The following COLGALT2 variants were observed in gnomAD, a reference collection of about 807,000 sequenced individuals.
The protein encoded by COLGALT2 is procollagen galactosyltransferase 2.
Under a neutral mutation model 73.4 loss-of-function variants are expected in COLGALT2, and 49 were observed. The observed-to-expected ratio is 0.67, with a 90% CI of 0.53 to 0.85. The LOEUF (loss-of-function observed/expected upper bound fraction) is 0.85. COLGALT2 is among the 40% of genes least tolerant of loss of function. The pLI is 0.00. For missense variants in COLGALT2, 722 were observed against 790.2 expected, an observed-to-expected ratio of 0.91 and a Z score of 1.03; for synonymous variants, 295 against 307.6, an observed-to-expected ratio of 0.96 and a Z score of 0.43.
chr1:183,969,527 T>C (rs1670979704), intron 4 of COLGALT2, 54 bp from the exon 5 acceptor site: 2 of 1,481,368 alleles, frequency 1.4e-6, no homozygotes, highest in Admixed American at 2.0e-5. Context: ...TCTTCATCCT[T>C]CTCAGTCATT....
At chr1:184,019,973 C>A (rs907828451) in intron 1 of COLGALT2, among the ~76,000 whole-genome samples, 1 of 152,140 alleles carries the variant, frequency 6.6e-6, no homozygotes, top group African/African-American at 2.4e-5. Context: ...CTAACCTGTG[C>A]TGTAAGTAAG....
At position 183,954,277 on chromosome 1, in the gene COLGALT2, T is replaced by TA. The variant is rs550973527; in HGVS notation, c.1029+484_1029+485insT. On this transcript the variant is annotated intron_variant, in intron 7 of 11. Transcript: ENST00000361927. ...GGCAGAATTTTAGAACAAATATGTTTTTTTTTCTTTCTTTGTCCTCTCAAC... is the reference window on the plus strand; with the variant it reads ...GGCAGAATTTTAGAACAAATATGTTTATTTTTTCTTTCTTTGTCCTCTCAAC... Among the ~76,000 whole-genome samples the TA allele has an allele frequency of 2.2e-4, 34 of 151,978 alleles. 1 individual carries two copies. In the East Asian group the frequency reaches 6.4e-3, roughly 29 times the overall value.
chr1:183,937,024 A>G lies in COLGALT2; in HGVS notation c.*1737T>C. 1 of 1,231,762 alleles carries G rather than the reference A, an allele frequency of 8.1e-7. No individual in the cohort carries two copies. Among genetic ancestry groups the G allele is most frequent in the Non-Finnish European group, 1.0e-6 (1 of 987,974 alleles). 76.3% of individuals were successfully genotyped at this position (1,231,762 alleles called of 1,614,324 possible). A position where few individuals can be genotyped will look rare whatever the true frequency, so the allele number is the denominator to read the frequency against. On this transcript the variant is annotated 3_prime_UTR_variant, in exon 12 of 12. Transcript: ENST00000361927. ...GATCACTTTCTCTAGACTCTGAGCCATGCTGTTCAACCTTAATGTGGCAAT... is the reference window on the plus strand; with the variant it reads ...GATCACTTTCTCTAGACTCTGAGCCGTGCTGTTCAACCTTAATGTGGCAAT...
intron 1 of COLGALT2, among the ~76,000 whole-genome samples, chr1:183,981,374 C>G (rs1229358119): frequency 6.6e-6 from 1 of 151,920 alleles, no homozygotes; most frequent in East Asian, 1.9e-4. Flanking sequence ...AAATAAAGGC[C>G]AAGTGCGGTG....
chr1:183,933,073 C>T (rs1441175964), downstream of COLGALT2, among the ~76,000 whole-genome samples: 1 of 152,206 alleles, frequency 6.6e-6, no homozygotes, highest in Non-Finnish European at 1.5e-5. Context: ...AGCGGTTCAA[C>T]TCAACACCAA....
chr1:184,037,550 G>T lies in COLGALT2; in HGVS notation c.-193C>A. The T allele has an allele frequency of 3.6e-6, 4 of 1,122,460 alleles. No individual in the cohort carries two copies. The highest frequency in any genetic ancestry group is 4.4e-6 in the Non-Finnish European group (4 of 919,206). 69.5% of individuals were successfully genotyped at this position (1,122,460 alleles called of 1,614,324 possible). A position where few individuals can be genotyped will look rare whatever the true frequency, so the allele number is the denominator to read the frequency against. On this transcript the variant is annotated 5_prime_UTR_variant, in exon 1 of 12. Coordinates refer to ENST00000361927, the MANE Select transcript of COLGALT2 (RefSeq NM_015101.4). ...AGGACCCTCCCGCCGCCGCTGCACCGCCCAGGCCCCAGTGCGGGTGCGCAG... is the reference window on the plus strand; with the variant it reads ...AGGACCCTCCCGCCGCCGCTGCACCTCCCAGGCCCCAGTGCGGGTGCGCAG...
At position 183,986,437 on chromosome 1, in the gene COLGALT2, A is replaced by G. The variant is rs151094582; in HGVS notation, c.264-7917T>C. Among the ~76,000 whole-genome samples the G allele has an allele frequency of 1.6e-4, 24 of 152,298 alleles. No homozygotes were observed. In the East Asian group the frequency reaches 4.6e-3, roughly 29 times the overall value. ...CATTTCATCCCAGAAACAATCATAG[A>G]CACGACACACCTGAAGCCTGGGTAT... On this transcript the variant is annotated intron_variant, in intron 1 of 11. Coordinates refer to ENST00000361927, the MANE Select transcript of COLGALT2 (RefSeq NM_015101.4).
At chr1:183,975,022 G>T in intron 3 of COLGALT2, 75 bp downstream of exon 3, 2 of 1,021,390 alleles carry the variant, frequency 2.0e-6, no homozygotes, top group Non-Finnish European at 3.0e-6. Flanking sequence ...TTGCTTCCAT[G>T]GTTCTAGTTT....
chr1:184,008,850 G>A (rs1357100286), intron 1 of COLGALT2, among the ~76,000 whole-genome samples: 2 of 151,976 alleles, frequency 1.3e-5, no homozygotes, highest in East Asian at 1.9e-4. Flanking sequence ...AGAGGCATGA[G>A]GTTTGCAAAC....
At chr1:184,014,120 G>A (rs1648922211) in intron 1 of COLGALT2, among the ~76,000 whole-genome samples, 1 of 152,202 alleles carries the variant, frequency 6.6e-6, no homozygotes, top group Non-Finnish European at 1.5e-5. Flanking sequence ...AGAGAGTTGG[G>A]AGTCATAGGC....
chr1:184,022,177 C>T (rs9970117), intron 1 of COLGALT2, among the ~76,000 whole-genome samples: 44,368 of 152,018 alleles, frequency 0.29, 7,693 homozygotes, highest in African/African-American at 0.48. Flanking sequence ...GGAAGAACAC[C>T]TTCTCCCAAT....
chr1:183,942,037 C>T (rs142881380), intron 10 of COLGALT2, among the ~76,000 whole-genome samples: 1 of 151,864 alleles, frequency 6.6e-6, no homozygotes, highest in East Asian at 1.9e-4. Context: ...TAAGCTCCGC[C>T]TCCTGGGTTC....
downstream of COLGALT2, among the ~76,000 whole-genome samples, chr1:183,933,588 G>A (rs931499344): frequency 2.6e-5 from 4 of 152,162 alleles, no homozygotes; most frequent in Admixed American, 6.5e-5. Context: ...TTTGGGAGAA[G>A]AAACTGTCGC....
At chr1:184,009,520 GT>G (rs1312775887) in intron 1 of COLGALT2, among the ~76,000 whole-genome samples, 3 of 152,096 alleles carry the variant, frequency 2.0e-5, no homozygotes, top group African/African-American at 7.2e-5. Flanking sequence ...TTTATCCTCT[GT>G]TTTTTCTTGT....
chr1:183,945,952 A>C, intron 8 of COLGALT2: 1 of 170,706 alleles, frequency 5.9e-6, no homozygotes, highest in Non-Finnish European at 1.3e-5. Flanking sequence ...AGCTGCCCTA[A>C]TCCTAACCTG....
chr1:184,019,372 A>T (rs1040480945), intron 1 of COLGALT2, among the ~76,000 whole-genome samples: 21 of 152,338 alleles, frequency 1.4e-4, no homozygotes, highest in Admixed American at 9.2e-4. Context: ...TATGCACGAA[A>T]CATAGCTCAA....
At chr1:183,991,689 G>A (rs1437450996) in intron 1 of COLGALT2, among the ~76,000 whole-genome samples, 2 of 152,160 alleles carry the variant, frequency 1.3e-5, no homozygotes, top group East Asian at 3.9e-4. Flanking sequence ...TTCACATGGC[G>A]GTGGTGGGGG....
chr1:184,008,508 T>A (rs996683447), intron 1 of COLGALT2, among the ~76,000 whole-genome samples: 1 of 152,110 alleles, frequency 6.6e-6, no homozygotes, highest in Non-Finnish European at 1.5e-5. Context: ...GGCGGGAGGA[T>A]CATTTGAGGC....
intron 1 of COLGALT2, among the ~76,000 whole-genome samples, chr1:184,017,801 T>C (rs1262407052): frequency 6.6e-6 from 1 of 152,130 alleles, no homozygotes; most frequent in African/African-American, 2.4e-5. Flanking sequence ...CAGGTCACTG[T>C]TTTGTCCTAA....
Sources: gnomAD v4.1 joint callset for allele counts (sites outside exome capture counted in the v4.1 genomes callset) on GRCh38, gnomAD v4.1.1 for gene constraint, MANE v1.5 for transcripts, NCBI Gene and HGNC (gene_info 2026-07-23, HGNC 2026-07-21) for gene names.